CDH19: variants seen among roughly 807,000 people sequenced by gnomAD.
CDH19 encodes the protein cadherin 19.
CDH19 carries 67 observed loss-of-function variants against 64.2 expected under a neutral mutation model. That is an observed-to-expected ratio of 1.04 (90% CI 0.86 to 1.28). The LOEUF (loss-of-function observed/expected upper bound fraction) is 1.28, where lower values mean the gene tolerates loss of function less well. CDH19 is among the 50% of genes most tolerant of loss of function. The pLI is 0.00. For synonymous variants in CDH19, 346 were observed against 319.3 expected (o/e 1.08, Z -0.89); for missense variants, 1,030 against 929.0 (o/e 1.11, Z -1.41).
rs772771019 is a variant in CDH19, at chr18:66,505,156, G to T, written c.1975C>A (p.Leu659Met). 4.3e-6 allele frequency: 7 copies of T among 1,613,304 alleles called. No homozygotes were observed. In the African/African-American group the frequency reaches 6.7e-5, roughly 15 times the overall value. The change falls in exon 12 of 12, where the codon CTG (leucine) becomes ATG (methionine). Residue 659 changes from leucine to methionine, a missense_variant. Coordinates refer to ENST00000262150, the MANE Select transcript of CDH19 (RefSeq NM_021153.4). ...EDTEAFDIAELRSSTIMRERK... is the reference protein window; with the variant it reads ...EDTEAFDIAEMRSSTIMRERK... ...TCCCGCATTATGGTACTACTCCTCAGCTCTGCTATATCAAAGGCCTCTGTA... is the reference window on the plus strand; with the variant it reads ...TCCCGCATTATGGTACTACTCCTCATCTCTGCTATATCAAAGGCCTCTGTA...
At chr18:66,510,025 C>T (rs1985395100) in intron 10 of CDH19, among the ~76,000 whole-genome samples, 1 of 151,736 alleles carries the variant, frequency 6.6e-6, no homozygotes, top group African/African-American at 2.4e-5. Context: ...TCTGTGAATC[C>T]CAAAATATTA....
intron 3 of CDH19, among the ~76,000 whole-genome samples, chr18:66,558,342 T>C (rs1346366071): frequency 6.6e-6 from 1 of 151,666 alleles, no homozygotes; most frequent in African/African-American, 2.4e-5. Context: ...TATCTTTGTT[T>C]ATTTTATTTA....
intron 9 of CDH19, among the ~76,000 whole-genome samples, chr18:66,514,789 A>G (rs1242477945): frequency 6.6e-6 from 1 of 151,542 alleles, no homozygotes; most frequent in Non-Finnish European, 1.5e-5. Flanking sequence ...TTCCAGATTA[A>G]TTATCCTGAG....
intron 1 of CDH19, among the ~76,000 whole-genome samples, chr18:66,575,405 G>A (rs1308592949): frequency 6.6e-6 from 1 of 151,832 alleles, no homozygotes; most frequent in Non-Finnish European, 1.5e-5. Flanking sequence ...ACTGGGGCTA[G>A]TAATGCAAAT....
intron 9 of CDH19, among the ~76,000 whole-genome samples, chr18:66,523,813 G>C (rs1422644675): frequency 6.7e-6 from 1 of 148,540 alleles, no homozygotes; most frequent in East Asian, 2.0e-4. Flanking sequence ...CTGGATCTAG[G>C]AAGAGAAGTC....
intron 9 of CDH19, among the ~76,000 whole-genome samples, chr18:66,527,765 T>A (rs1228311306): frequency 5.3e-5 from 8 of 151,570 alleles, no homozygotes; most frequent in Non-Finnish European, 2.9e-5. Context: ...TATATATATA[T>A]AAAAAACAGA....
chr18:66,573,311 T>G (rs1181227844), intron 1 of CDH19, among the ~76,000 whole-genome samples: 1 of 151,670 alleles, frequency 6.6e-6, no homozygotes, highest in African/African-American at 2.4e-5. Context: ...TTTTGAATCT[T>G]CTGCATGTAT....
chr18:66,576,507 TAAAC>T (rs542452719), intron 1 of CDH19, among the ~76,000 whole-genome samples: 210 of 151,676 alleles, frequency 1.4e-3, no homozygotes, highest in Non-Finnish European at 1.9e-3. Flanking sequence ...TTATAAATGA[TAAAC>T]AATGTCATTT....
chr18:66,595,852 A>T (rs77661143), intron 1 of CDH19, among the ~76,000 whole-genome samples: 9,646 of 152,168 alleles, frequency 0.063, 378 homozygotes, highest in Admixed American at 0.11. Flanking sequence ...AATCTGTCAG[A>T]GACTCAATAG....
intron 10 of CDH19, among the ~76,000 whole-genome samples, chr18:66,510,625 T>G (rs1014824199): frequency 7.1e-6 from 1 of 140,660 alleles, no homozygotes; most frequent in Admixed American, 7.2e-5. Context: ...ATAATAATAA[T>G]AATACATGTA....
chr18:66,596,835 C>T (rs895635473), intron 1 of CDH19, among the ~76,000 whole-genome samples: 4 of 151,768 alleles, frequency 2.6e-5, no homozygotes, highest in Non-Finnish European at 5.9e-5. Flanking sequence ...GTAGTCCCAG[C>T]ACTTTGGGAG....
At chr18:66,589,877 T>C (rs954397957) in intron 1 of CDH19, among the ~76,000 whole-genome samples, 1 of 151,912 alleles carries the variant, frequency 6.6e-6, no homozygotes, top group Non-Finnish European at 1.5e-5. Context: ...CTGAGTGAAA[T>C]ATAAAAATCA....
At chr18:66,554,701 G>A (rs1987457490) in intron 3 of CDH19, among the ~76,000 whole-genome samples, 177 bp from the exon 4 acceptor site, 1 of 151,298 alleles carries the variant, frequency 6.6e-6, no homozygotes, top group Non-Finnish European at 1.5e-5. Flanking sequence ...ATTTTTTTCA[G>A]GCAAAAGAAT....
intron 9 of CDH19, among the ~76,000 whole-genome samples, chr18:66,526,481 G>A (rs1986224890): frequency 6.6e-6 from 1 of 151,948 alleles, no homozygotes; most frequent in Admixed American, 6.6e-5. Context: ...GTAGATAATG[G>A]TATTTCATTT....
At chr18:66,545,550 T>C (rs887477098) in intron 5 of CDH19, among the ~76,000 whole-genome samples, 1 of 152,134 alleles carries the variant, frequency 6.6e-6, no homozygotes, top group African/African-American at 2.4e-5. Context: ...CTATCACCAA[T>C]ATTATCTCTA....
At chr18:66,509,718 A>G (rs920502380) in intron 10 of CDH19, among the ~76,000 whole-genome samples, 2 of 151,742 alleles carry the variant, frequency 1.3e-5, no homozygotes, top group African/African-American at 2.4e-5. Flanking sequence ...GACACGGTCT[A>G]TTTTCTAATA....
chr18:66,543,901 A>G (rs1986994583), intron 7 of CDH19, 70 bp downstream of exon 7: 2 of 1,153,214 alleles, frequency 1.7e-6, no homozygotes, highest in Admixed American at 4.9e-5. Flanking sequence ...AAAAGATTGC[A>G]TGCAATTTTA....
chr18:66,576,445 T>C (rs1988267839), intron 1 of CDH19, among the ~76,000 whole-genome samples: 1 of 151,522 alleles, frequency 6.6e-6, no homozygotes, highest in Admixed American at 6.6e-5. Flanking sequence ...AATAATATCA[T>C]TTCATAATTA....
At chr18:66,569,212 G>A (rs553613526) in intron 2 of CDH19, among the ~76,000 whole-genome samples, 238 of 151,568 alleles carry the variant, frequency 1.6e-3, no homozygotes, top group Admixed American at 2.2e-3. Context: ...CTGTTCATTA[G>A]GTATTTATTA....
Sources: allele counts gnomAD v4.1 joint callset (sites outside exome capture counted in the v4.1 genomes callset), GRCh38; gene constraint gnomAD v4.1.1; transcripts MANE v1.5; gene names NCBI Gene and HGNC (gene_info 2026-07-23, HGNC 2026-07-21).